The following TENM1 variants were observed in gnomAD, a reference collection of about 807,000 sequenced individuals.
TENM1 encodes the protein teneurin transmembrane protein 1.
TENM1 carries 35 observed loss-of-function variants against 174.8 expected under a neutral mutation model. That is an observed-to-expected ratio of 0.20 (90% CI 0.15 to 0.27). The LOEUF (loss-of-function observed/expected upper bound fraction) is 0.27. TENM1 is among the 10% of genes least tolerant of loss of function. TENM1 has a pLI of 1.00. For synonymous variants in TENM1, 781 were observed against 798.7 expected, an observed-to-expected ratio of 0.98 and a Z score of 0.37; for missense variants, 1,633 against 2,130.1, an observed-to-expected ratio of 0.77 and a Z score of 4.59.
intron 1 of TENM1, among the ~76,000 whole-genome samples, chrX:124,960,591 C>T (rs1259792423): frequency 9.0e-6 from 1 of 111,574 alleles, no homozygotes; most frequent in Admixed American, 9.5e-5. Flanking sequence ...TTCCCTCACC[C>T]CAAATTCCTT....
At position 124,929,884 on chromosome X, in the gene TENM1, C is replaced by A. The variant is rs141456482; in HGVS notation, c.218-33643G>T. Among the ~76,000 whole-genome samples the A allele has an allele frequency of 1.8e-4, 20 of 111,903 alleles. No individual in the cohort carries two copies. In the East Asian group the frequency reaches 5.6e-3, roughly 32 times the overall value. On this transcript the variant is annotated intron_variant, in intron 1 of 31. Coordinates refer to ENST00000422452, the Ensembl canonical transcript of TENM1. ...TCAAAGTTAAATATTCTATTTTATT[C>A]TGAATGAGCAAAATAAGCCTAAGGT...
At chrX:124,715,847 C>G (rs995126203) in intron 4 of TENM1, among the ~76,000 whole-genome samples, 1 of 110,636 alleles carries the variant, frequency 9.0e-6, no homozygotes, top group Admixed American at 9.7e-5. Flanking sequence ...ACATGGTATA[C>G]TTTTCTGTAT....
chrX:124,584,033 T>C (rs1292440260), intron 11 of TENM1, among the ~76,000 whole-genome samples: 1 of 109,667 alleles, frequency 9.1e-6, no homozygotes, highest in South Asian at 4.0e-4. Flanking sequence ...TATGGGACTA[T>C]GTGAAAAGAC....
At chrX:124,628,651 G>T (rs1179477034) in intron 11 of TENM1, among the ~76,000 whole-genome samples, 4 of 111,307 alleles carry the variant, frequency 3.6e-5, no homozygotes, top group Non-Finnish European at 7.5e-5. Flanking sequence ...TGTCTATCTT[G>T]AGGACACTGT....
chrX:125,007,503 G>A, the TENM1 span, among the ~76,000 whole-genome samples: 2 of 111,315 alleles, frequency 1.8e-5, no homozygotes, highest in African/African-American at 6.5e-5. Context: ...AGCAAGACAG[G>A]CCAACATTCA....
At chrX:124,722,958 A>G (rs2053351592) in intron 4 of TENM1, among the ~76,000 whole-genome samples, 1 of 110,055 alleles carries the variant, frequency 9.1e-6, no homozygotes, top group Admixed American at 9.7e-5. Context: ...TTATGTGATT[A>G]TCACTGCATA....
intron 22 of TENM1, among the ~76,000 whole-genome samples, chrX:124,463,820 G>A (rs918720927): frequency 7.0e-5 from 7 of 99,577 alleles, no homozygotes; most frequent in African/African-American, 2.7e-4. Flanking sequence ...ATTTTTCTTT[G>A]CTTTATAGAG....
the TENM1 span, among the ~76,000 whole-genome samples, chrX:125,063,812 A>T: frequency 0.025 from 2,833 of 111,487 alleles, 93 homozygotes; most frequent in African/African-American, 0.086. Flanking sequence ...ATTACTAGGT[A>T]TATACCCAAA....
chrX:124,504,138 C>T (rs2047393362), intron 18 of TENM1, among the ~76,000 whole-genome samples: 1 of 111,606 alleles, frequency 9.0e-6, no homozygotes, highest in African/African-American at 3.3e-5. Context: ...CAGCAAGCTG[C>T]CTTTGGAGTA....
chrX:125,039,122 G>C, the TENM1 span, among the ~76,000 whole-genome samples: 2 of 111,324 alleles, frequency 1.8e-5, no homozygotes, highest in Non-Finnish European at 3.8e-5. Flanking sequence ...TTAAATTCTA[G>C]TTGTTTACCT....
intron 11 of TENM1, among the ~76,000 whole-genome samples, chrX:124,620,273 A>T (rs2050488226): frequency 9.0e-6 from 1 of 111,263 alleles, no homozygotes; most frequent in African/African-American, 3.3e-5. Flanking sequence ...GGGGGCCTCA[A>T]CCTGTCCTCA....
the TENM1 span, among the ~76,000 whole-genome samples, chrX:125,112,378 A>G: frequency 1.6e-4 from 18 of 110,266 alleles, no homozygotes; most frequent in African/African-American, 5.6e-4. Context: ...AAGTATTTTT[A>G]TGGCCTTTAT....
intron 23 of TENM1, among the ~76,000 whole-genome samples, chrX:124,441,906 G>A (rs770125574): frequency 1.8e-5 from 2 of 111,856 alleles, no homozygotes; most frequent in Non-Finnish European, 3.8e-5. Flanking sequence ...GACATTTTTC[G>A]TTCCATTCTA....
chrX:124,883,981 T>A (rs926050870), intron 3 of TENM1, among the ~76,000 whole-genome samples: 3 of 110,953 alleles, frequency 2.7e-5, no homozygotes, highest in Admixed American at 1.9e-4. Context: ...GGTAGGGTGA[T>A]CCCAGACCTC....
chrX:125,165,488 G>T, the TENM1 span, among the ~76,000 whole-genome samples: 9 of 111,803 alleles, frequency 8.0e-5, no homozygotes, highest in African/African-American at 2.9e-4. Flanking sequence ...CATCTTAAAT[G>T]CATCACAATG....
intron 22 of TENM1, among the ~76,000 whole-genome samples, chrX:124,469,085 T>C (rs1296040498): frequency 8.9e-6 from 1 of 111,924 alleles, no homozygotes; most frequent in African/African-American, 3.2e-5. Context: ...CTCATCTCTC[T>C]GATGTTGCAA....
intron 14 of TENM1, among the ~76,000 whole-genome samples, chrX:124,552,242 G>A (rs1225550183): frequency 9.0e-6 from 1 of 111,507 alleles, no homozygotes. Context: ...AGTCTTCTTA[G>A]GCATTTTAGA....
At chrX:124,890,329 AC>A (rs1014138053) in intron 3 of TENM1, among the ~76,000 whole-genome samples, 1 of 111,521 alleles carries the variant, frequency 9.0e-6, no homozygotes, top group Non-Finnish European at 1.9e-5. Flanking sequence ...GCTGAGGGGT[AC>A]CCTAATCACT....
the TENM1 span, among the ~76,000 whole-genome samples, chrX:125,108,039 G>A: frequency 4.5e-5 from 5 of 111,595 alleles, no homozygotes; most frequent in Non-Finnish European, 5.6e-5. Flanking sequence ...ATGTATTAAT[G>A]CTCCCACTAC....
Sources: gnomAD v4.1 joint callset for allele counts (sites outside exome capture counted in the v4.1 genomes callset) on GRCh38, gnomAD v4.1.1 for gene constraint, MANE v1.5 for transcripts, NCBI Gene and HGNC (gene_info 2026-07-23, HGNC 2026-07-21) for gene names.